HNRNPK: variants seen among roughly 807,000 people sequenced by gnomAD.
HNRNPK encodes heterogeneous nuclear ribonucleoprotein K.
Under a neutral mutation model 67.0 loss-of-function variants are expected in HNRNPK, and 7 were observed. The observed-to-expected ratio is 0.10, with a 90% CI of 0.06 to 0.20. The LOEUF (loss-of-function observed/expected upper bound fraction) is 0.20. Among genes scored for constraint, HNRNPK ranks in the 10% least tolerant of loss-of-function variants. The pLI, the probability that HNRNPK is intolerant of heterozygous loss-of-function variation, is 1.00. For missense variants in HNRNPK, 264 were observed against 606.5 expected (o/e 0.44, Z 5.93); for synonymous variants, 213 against 193.7 (o/e 1.10, Z -0.83).
In HNRNPK at chr9:83,974,498, T is replaced by TAA; in HGVS notation, c.330+17_330+18dup. The TAA allele has an allele frequency of 7.9e-7, 1 of 1,262,314 alleles. No homozygotes were observed. Among genetic ancestry groups the TAA allele is most frequent in the Non-Finnish European group, 1.1e-6 (1 of 878,670 alleles). 78.2% of individuals were successfully genotyped at this position (1,262,314 alleles called of 1,614,324 possible). The stretch of plus-strand genomic sequence containing the variant: ...CCCCCCTCATATTGTCAAATACATT[T>TAA]AAAAAAAAATGAGCCTACCTCTTCC... On this transcript the variant is annotated intron_variant, in intron 7 of 16. Coordinates refer to ENST00000376263, the MANE Select transcript of HNRNPK (RefSeq NM_031263.4).
rs1196659269 is a variant in HNRNPK, at chr9:83,970,331, A to G, written c.1192T>C (p.Leu398=). 1 of 1,607,560 alleles carries G rather than the reference A, an allele frequency of 6.2e-7. No homozygotes were observed. The highest frequency in any genetic ancestry group is 8.5e-7 in the Non-Finnish European group (1 of 1,176,808). ...CCTTTGCCAATAATAGATCCAGCCAACTGAAAAGATTTTTTAAAAGTATGT... is the reference window on the plus strand; with the variant it reads ...CCTTTGCCAATAATAGATCCAGCCAGCTGAAAAGATTTTTTAAAAGTATGT... ...ITTQVTIPKD[L]AGSIIGKGGQ... is the part of the protein sequence containing the mutation. Residue 398 remains leucine, a splice_region_variant and synonymous_variant, in exon 16 of 17, where the codon TTG becomes CTG. Coordinates refer to ENST00000376263, the MANE Select transcript of HNRNPK (RefSeq NM_031263.4).
At chr9:83,970,031 G>C (rs1213101555) in intron 16 of HNRNPK, 131 bp downstream of exon 16, 2 of 705,522 alleles carry the variant, frequency 2.8e-6, no homozygotes, top group Non-Finnish European at 2.4e-6. Context: ...CAAACTATTA[G>C]AATGTTTAGA....
intron 12 of HNRNPK, 105 bp from the exon 13 acceptor site, chr9:83,971,461 T>C (rs1248271098): frequency 4.6e-6 from 4 of 860,462 alleles, no homozygotes; most frequent in African/African-American, 1.7e-5. Flanking sequence ...AGAGGGTACA[T>C]ATATAGGCAG....
rs541559812 is a variant in HNRNPK at position 83,972,779 on chromosome 9, C to T, written c.645+65G>A. Reference sequence around the variant, plus strand: ...TATTAGACTAAATGCTCTGAAGCTACTTTTGCAGAAGGTTATCACTTTGTT... The same window carrying T: ...TATTAGACTAAATGCTCTGAAGCTATTTTTGCAGAAGGTTATCACTTTGTT... On this transcript the variant is annotated intron_variant, in intron 10 of 16. Transcript: ENST00000376263. 3.6e-5 allele frequency: 47 copies of T among 1,302,518 alleles called. No homozygotes were observed. In the African/African-American group the frequency reaches 6.2e-4, roughly 17 times the overall value. 80.7% of individuals were successfully genotyped at this position (1,302,518 alleles called of 1,614,324 possible).
At position 83,977,842 on chromosome 9, in the gene HNRNPK, C is replaced by T. The variant is rs374679858; in HGVS notation, c.59-56G>A. On this transcript the variant is annotated intron_variant, in intron 3 of 16. Transcript: ENST00000376263. ...AGCAGCGAAGTCTCCAAAGTAACTC[C>T]ATTCTGTTTCAAGAGACTTGTTGCT... The T allele has an allele frequency of 4.7e-5, 51 of 1,075,818 alleles. No individual in the cohort carries two copies. In the East Asian group the frequency reaches 7.1e-4, roughly 15 times the overall value. The allele number at this position is 1,075,818 out of a possible 1,614,324, so 66.6% of individuals were successfully genotyped here. A position where few individuals can be genotyped will look rare whatever the true frequency, so the allele number is the denominator to read the frequency against.
intron 16 of HNRNPK, 199 bp downstream of exon 16, chr9:83,969,963 A>G (rs1956751799): frequency 4.5e-6 from 3 of 660,698 alleles, no homozygotes; most frequent in Non-Finnish European, 8.3e-6. Context: ...GGCTTCTTCC[A>G]GCAAGATTAG....
intron 16 of HNRNPK, 61 bp downstream of exon 16, chr9:83,970,101 A>T: frequency 7.3e-7 from 1 of 1,375,906 alleles, no homozygotes; most frequent in South Asian, 1.3e-5. Context: ...TCAATTGAGA[A>T]GAAAAGCTTT....
chr9:83,974,749 TTTTG>T, intron 6 of HNRNPK, 160 bp from the exon 7 acceptor site: 2 of 593,672 alleles, frequency 3.4e-6, no homozygotes, highest in Non-Finnish European at 6.0e-6. Context: ...CTCACATGCA[TTTTG>T]TTTTATACCC....
intron 7 of HNRNPK, 91 bp downstream of exon 7, chr9:83,974,426 C>G: frequency 4.9e-6 from 3 of 610,544 alleles, no homozygotes; most frequent in East Asian, 5.7e-5. Context: ...TATCCATTGT[C>G]TCTCCACCTC....
chr9:83,972,071 A>G lies in HNRNPK; in HGVS notation c.764T>C (p.Met255Thr), dbSNP rs773530780. ...TCTGTCAAAACCACCTCTTCCCCGC[A>G]TGGGAAATCCCACTGGGCGTCCGCG... is the stretch of plus-strand genomic sequence containing the variant. Reference protein sequence around the residue: ...DRRGRPVGFPMRGRGGFDRMP... With the variant: ...DRRGRPVGFPTRGRGGFDRMP... Residue 255 changes from methionine to threonine, a missense_variant, in exon 11 of 17, where the codon ATG becomes ACG. Transcript: ENST00000376263. 14 of 1,613,794 alleles carry G rather than the reference A, an allele frequency of 8.7e-6. 1 individual carries two copies. The highest frequency in any genetic ancestry group is 1.1e-5 in the Non-Finnish European group (13 of 1,179,862).
intron 15 of HNRNPK, 98 bp from the exon 16 acceptor site, chr9:83,970,429 G>T: frequency 1.1e-6 from 1 of 949,118 alleles, no homozygotes; most frequent in South Asian, 1.7e-5. Flanking sequence ...TATTCATTCA[G>T]AATCTTAACT....
At chr9:83,973,055 C>A in intron 9 of HNRNPK, 83 bp from the exon 10 acceptor site, 1 of 953,324 alleles carries the variant, frequency 1.0e-6, no homozygotes, top group Non-Finnish European at 1.6e-6. Context: ...CATTTGAATT[C>A]AACAATTAAC....
chr9:83,975,038 G>A (rs1957015318), intron 6 of HNRNPK, among the ~76,000 whole-genome samples: 1 of 152,136 alleles, frequency 6.6e-6, no homozygotes, highest in East Asian at 1.9e-4. Flanking sequence ...TCACTAATGG[G>A]CTCTGCAAGA....
intron 1 of HNRNPK, among the ~76,000 whole-genome samples, chr9:83,978,865 C>G (rs1389603186): frequency 6.6e-6 from 1 of 152,226 alleles, no homozygotes; most frequent in African/African-American, 2.4e-5. Flanking sequence ...TTGAAGCGAT[C>G]TTATGTGACA....
At chr9:83,971,537 TTATTTAACTAG>T in intron 12 of HNRNPK, 124 bp downstream of exon 12, 1 of 836,450 alleles carries the variant, frequency 1.2e-6, no homozygotes, top group Non-Finnish European at 2.0e-6. Flanking sequence ...AATAACAGAA[TTATTTAACTAG>T]TAATCCAAAC....
chr9:83,974,151 A>G (rs986745045), intron 7 of HNRNPK, among the ~76,000 whole-genome samples, 178 bp from the exon 8 acceptor site: 2 of 152,206 alleles, frequency 1.3e-5, no homozygotes, highest in Admixed American at 1.3e-4. Flanking sequence ...ATATACACCT[A>G]GTGAATTATG....
At chr9:83,969,534 T>C in intron 16 of HNRNPK, 94 bp from the exon 17 acceptor site, 1 of 793,090 alleles carries the variant, frequency 1.3e-6, no homozygotes, top group Admixed American at 2.2e-5. Context: ...ATTAAAATGA[T>C]AAACACGTCC....
At chr9:83,970,868 T>C (rs1054128827) in intron 14 of HNRNPK, 29 bp downstream of exon 14, 12 of 1,610,858 alleles carry the variant, frequency 7.4e-6, no homozygotes, top group African/African-American at 2.7e-5. Context: ...ATGAAATTAA[T>C]GTTTGACTTC....
Position 83,978,256 on chromosome 9 carries a change from C to T in HNRNPK, c.-4G>A. 3 of 1,598,974 alleles carry T rather than the reference C, an allele frequency of 1.9e-6. No homozygotes were observed. Among genetic ancestry groups the T allele is most frequent in the South Asian group, 1.1e-5 (1 of 90,438 alleles). The stretch of plus-strand genomic sequence containing the variant: ...CTTCTGGCTGTTCAGTTTCCATATT[C>T]TTTTATTAAACGGGCACACCAATCT... On this transcript the variant is annotated 5_prime_UTR_variant, in exon 3 of 17. Transcript: ENST00000376263.
Sources: gnomAD v4.1 joint callset for allele counts (sites outside exome capture counted in the v4.1 genomes callset) on GRCh38, gnomAD v4.1.1 for gene constraint, MANE v1.5 for transcripts, NCBI Gene and HGNC (gene_info 2026-07-23, HGNC 2026-07-21) for gene names.